Variants in DAB1 observed in about 807,000 individuals in gnomAD.
DAB1 encodes disabled homolog 1.
Under a neutral mutation model 64.6 loss-of-function variants are expected in DAB1, and 15 were observed. That is an observed-to-expected ratio of 0.23 (90% confidence interval 0.16 to 0.36). DAB1 has a LOEUF of 0.36. Ranked by LOEUF, DAB1 falls within the 10% of genes least tolerant of loss-of-function variation. DAB1 has a pLI of 1.00. For missense variants in DAB1, 596 were observed against 706.7 expected, an observed-to-expected ratio of 0.84 and a Z score of 1.78; for synonymous variants, 235 against 251.9, an observed-to-expected ratio of 0.93 and a Z score of 0.64.
chr1:57,039,561 T>G (rs975263237), intron 9 of DAB1, among the ~76,000 whole-genome samples: 8 of 152,268 alleles, frequency 5.3e-5, no homozygotes, highest in African/African-American at 1.4e-4. Context: ...CTTCCCCCAG[T>G]TTTTAACACC....
rs115112352 is a variant in DAB1, at chr1:57,151,084, C to T, written c.68-5655G>A. 2.8e-3 allele frequency among the ~76,000 whole-genome samples: 423 copies of T among 152,260 alleles called. 1 individual carries two copies. The highest frequency in any genetic ancestry group is 9.2e-3 in the African/African-American group (384 of 41,544). On this transcript the variant is annotated intron_variant, in intron 2 of 14. Coordinates refer to ENST00000371236, the MANE Select transcript of DAB1 (RefSeq NM_001365792.1). ...ATTAATGTACTTGCAAAACACAGTACTAGAGGGCATGGCTAGAGCGATGCA... is the reference window on the plus strand; with the variant it reads ...ATTAATGTACTTGCAAAACACAGTATTAGAGGGCATGGCTAGAGCGATGCA...
rs1233053654 is a variant in DAB1 at position 58,378,156 on chromosome 1, G to A, written n.258-34753C>T. On this transcript the variant is annotated intron_variant and non_coding_transcript_variant, in intron 3 of 20. Coordinates refer to the DAB1 transcript ENST00000485760. ...TCCCATAGCTCAGAGTAATTTGATC[G>A]TCTGAAGCCTTCTTCTCTCAGCTTG... 1.6e-4 allele frequency among the ~76,000 whole-genome samples: 20 copies of A among 124,224 alleles called. 3 individuals carry two copies. Among genetic ancestry groups the A allele is most frequent in the African/African-American group, 2.2e-4 (7 of 31,322 alleles). The allele number at this position is 124,224 out of a possible 152,430, so 81.5% of individuals were successfully genotyped here.
At chr1:57,462,728 T>G (rs1686827289) in intron 7 of DAB1, among the ~76,000 whole-genome samples, 1 of 152,184 alleles carries the variant, frequency 6.6e-6, no homozygotes, top group East Asian at 1.9e-4. Flanking sequence ...TGCTAAGATT[T>G]GAACTTAAGA....
chr1:58,106,014 T>C (rs1445006700), intron 5 of DAB1, among the ~76,000 whole-genome samples: 1 of 152,228 alleles, frequency 6.6e-6, no homozygotes, highest in Non-Finnish European at 1.5e-5. Flanking sequence ...AAAGAACATA[T>C]CTTTGCAAAG....
intron 14 of DAB1, among the ~76,000 whole-genome samples, chr1:57,006,556 G>T (rs1646075460): frequency 6.6e-6 from 1 of 152,120 alleles, no homozygotes. Flanking sequence ...GCTAGACCCT[G>T]GTCATCTTCT....
chr1:57,347,913 G>A (rs375636323), intron 1 of DAB1, among the ~76,000 whole-genome samples: 75 of 152,264 alleles, frequency 4.9e-4, no homozygotes, highest in African/African-American at 1.8e-3. Flanking sequence ...GCTGTTTAGG[G>A]ATGAGCTTTG....
At chr1:57,317,833 C>T (rs528824784) in intron 1 of DAB1, among the ~76,000 whole-genome samples, 17 of 152,028 alleles carry the variant, frequency 1.1e-4, no homozygotes, top group Non-Finnish European at 2.4e-4. Flanking sequence ...TTGCCTGCCT[C>T]CCACCCTCCC....
In DAB1 at chr1:58,419,328, T is replaced by C. The variant is rs1030667824; in HGVS notation, n.258-75925A>G. On this transcript the variant is annotated intron_variant and non_coding_transcript_variant, in intron 3 of 20. Coordinates refer to the DAB1 transcript ENST00000485760. ...TTCCTTGTCTATACAATAGGACTAA[T>C]GGTGTTTATCTCACAATATTTGAAA... Among the ~76,000 whole-genome samples, 5 of 152,242 alleles carry C rather than the reference T, an allele frequency of 3.3e-5. No individual in the cohort carries two copies. The East Asian group carries it at 5.8e-4, about 18-fold the overall frequency.
chr1:57,796,293 C>T (rs1162573565), intron 6 of DAB1, among the ~76,000 whole-genome samples: 1 of 151,828 alleles, frequency 6.6e-6, no homozygotes, highest in Admixed American at 6.6e-5. Flanking sequence ...TTTGGGAGGC[C>T]GAGGCAGGCG....
chr1:57,133,492 A>G (rs1166816367), intron 4 of DAB1, among the ~76,000 whole-genome samples: 1 of 152,136 alleles, frequency 6.6e-6, no homozygotes, highest in Non-Finnish European at 1.5e-5. Flanking sequence ...CAGACCTAGT[A>G]ACATCATGAT....
At chr1:57,522,757 C>T (rs1341533677) in intron 7 of DAB1, among the ~76,000 whole-genome samples, 1 of 152,186 alleles carries the variant, frequency 6.6e-6, no homozygotes, top group African/African-American at 2.4e-5. Flanking sequence ...GAGGCAGACC[C>T]ACCCTCATTC....
Position 58,480,802 on chromosome 1 carries a change from T to C in DAB1, n.257+25258A>G, listed in dbSNP as rs1645466385. On this transcript the variant is annotated intron_variant and non_coding_transcript_variant, in intron 3 of 20. Coordinates refer to the DAB1 transcript ENST00000485760. ...TAGATTAAAATACATCAATATTTCATGAAAAATAAATTCTAGAAGAATTTA... is the reference window on the plus strand; with the variant it reads ...TAGATTAAAATACATCAATATTTCACGAAAAATAAATTCTAGAAGAATTTA... The C allele has an allele frequency of 5.8e-6, 3 of 516,196 alleles. No homozygotes were observed. In the Admixed American group the frequency reaches 1.2e-4, roughly 20 times the overall value. 32.0% of individuals were successfully genotyped at this position (516,196 alleles called of 1,614,324 possible).
intron 4 of DAB1, among the ~76,000 whole-genome samples, chr1:57,098,686 G>A (rs1654394038): frequency 6.6e-6 from 1 of 152,138 alleles, no homozygotes; most frequent in Non-Finnish European, 1.5e-5. Context: ...TTACAATTTA[G>A]GGATTAATTC....
intron 5 of DAB1, among the ~76,000 whole-genome samples, chr1:58,053,065 G>A (rs1012932211): frequency 6.6e-6 from 1 of 152,152 alleles, no homozygotes; most frequent in Non-Finnish European, 1.5e-5. Context: ...GGAACTAATA[G>A]AGTAAGAACT....
At chr1:57,091,019 C>G (rs1314513710) in intron 4 of DAB1, among the ~76,000 whole-genome samples, 1 of 152,092 alleles carries the variant, frequency 6.6e-6, no homozygotes, top group Admixed American at 6.6e-5. Context: ...ATCCCTCACC[C>G]CGCCCCACCC....
chr1:57,466,657 A>G (rs2101194006), intron 7 of DAB1, among the ~76,000 whole-genome samples: 1 of 152,352 alleles, frequency 6.6e-6, no homozygotes, highest in South Asian at 2.1e-4. Flanking sequence ...GGCTGAAGTC[A>G]AGATGTTGAC....
At chr1:57,481,709 C>A (rs532751939) in intron 7 of DAB1, among the ~76,000 whole-genome samples, 1 of 151,674 alleles carries the variant, frequency 6.6e-6, no homozygotes, top group Non-Finnish European at 1.5e-5. Flanking sequence ...CCCAGCTACC[C>A]AGGAGGCTAA....
At chr1:57,747,170 G>T (rs1265297648) in intron 6 of DAB1, among the ~76,000 whole-genome samples, 3 of 152,252 alleles carry the variant, frequency 2.0e-5, no homozygotes, top group African/African-American at 7.2e-5. Flanking sequence ...TTAAGGTTTG[G>T]TTTTTGACAT....
At chr1:58,265,640 T>G (rs1252885627) in intron 4 of DAB1, among the ~76,000 whole-genome samples, 1 of 152,244 alleles carries the variant, frequency 6.6e-6, no homozygotes, top group African/African-American at 2.4e-5. Context: ...GTGAATTTTC[T>G]ACTTTAAATA....
Sources: allele counts gnomAD v4.1 joint callset (sites outside exome capture counted in the v4.1 genomes callset), GRCh38; gene constraint gnomAD v4.1.1; transcripts MANE v1.5; gene names NCBI Gene and HGNC (gene_info 2026-07-23, HGNC 2026-07-21).